Variants in MBNL2 observed in about 807,000 individuals in gnomAD.
MBNL2 encodes muscleblind like splicing regulator 2.
A neutral mutation model predicts 41.9 loss-of-function variants in MBNL2; 17 were observed. That is an observed-to-expected ratio of 0.41 (90% CI 0.28 to 0.61). MBNL2 has a LOEUF of 0.61. MBNL2 is among the 20% of genes least tolerant of loss of function. The pLI, the probability that MBNL2 is intolerant of heterozygous loss-of-function variation, is 0.35. For missense variants in MBNL2, 336 were observed against 505.6 expected, an observed-to-expected ratio of 0.66 and a Z score of 3.22; for synonymous variants, 195 against 182.9, an observed-to-expected ratio of 1.07 and a Z score of -0.53.
chr13:97,358,364 A>T (rs1019279554), intron 7 of MBNL2, among the ~76,000 whole-genome samples: 5 of 152,274 alleles, frequency 3.3e-5, no homozygotes, highest in African/African-American at 9.6e-5. Flanking sequence ...AACTAATGAG[A>T]AAAAGAACTG....
At chr13:97,287,691 TTC>T (rs67667547) in intron 2 of MBNL2, among the ~76,000 whole-genome samples, 13,326 of 150,296 alleles carry the variant, frequency 0.089, 679 homozygotes, top group South Asian at 0.14. Context: ...TTATGTTTAT[TTC>T]TTTCTATTTT....
the MBNL2 span, among the ~76,000 whole-genome samples, chr13:97,160,646 C>A: frequency 2.0e-5 from 3 of 152,038 alleles, no homozygotes; most frequent in Admixed American, 2.0e-4. Flanking sequence ...GGCTACTCAT[C>A]GCTTTGTTAG....
the MBNL2 span, among the ~76,000 whole-genome samples, chr13:97,184,305 T>C: frequency 6.6e-6 from 1 of 152,160 alleles, no homozygotes; most frequent in Admixed American, 6.5e-5. Context: ...GAGAATAATC[T>C]CTCTTTTCTT....
Position 97,392,710 on chromosome 13 carries a change from C to T in MBNL2, c.*1261C>T, listed in dbSNP as rs1486329601. 1 of 152,362 alleles carries T rather than the reference C, an allele frequency of 6.6e-6. No homozygotes were observed. The highest frequency in any genetic ancestry group is 2.4e-5 in the African/African-American group (1 of 41,382). The allele number at this position is 152,362 out of a possible 1,614,324, so 9.4% of individuals were successfully genotyped here. A position where few individuals can be genotyped will look rare whatever the true frequency, so the allele number is the denominator to read the frequency against. On this transcript the variant is annotated 3_prime_UTR_variant, in exon 9 of 9. Coordinates refer to ENST00000679496, the MANE Select transcript of MBNL2 (RefSeq NM_001382683.1). ...AGTTTGTTTTAAAGTTTATTTTAAG[C>T]ACTATCGTACCAAATATTTCATATT...
chr13:97,275,953 T>C lies in MBNL2; in HGVS notation c.-283T>C, dbSNP rs958196180. ...TCACTTTATTAATAACAGCTGTATC[T>C]GCAAAACAGTCAAGAGACTCGGACG... On this transcript the variant is annotated 5_prime_UTR_variant, in exon 2 of 9. Transcript: ENST00000679496. 1.6e-5 allele frequency: 5 copies of C among 303,278 alleles called. No homozygotes were observed. The highest frequency in any genetic ancestry group is 3.0e-5 in the Non-Finnish European group (5 of 164,140). 18.8% of individuals were successfully genotyped at this position (303,278 alleles called of 1,614,324 possible).
At chr13:97,250,450 T>G (rs1053554184) in intron 1 of MBNL2, among the ~76,000 whole-genome samples, 1 of 152,206 alleles carries the variant, frequency 6.6e-6, no homozygotes, top group Non-Finnish European at 1.5e-5. Flanking sequence ...TACTGTTCTG[T>G]TGTATAAGTT....
intron 7 of MBNL2, among the ~76,000 whole-genome samples, chr13:97,358,920 T>G (rs1266914021): frequency 1.3e-5 from 2 of 152,228 alleles, no homozygotes; most frequent in East Asian, 3.8e-4. Context: ...ATCTACACTT[T>G]GAAATGGATT....
intron 2 of MBNL2, among the ~76,000 whole-genome samples, chr13:97,289,305 G>T (rs1479327940): frequency 6.6e-6 from 1 of 152,142 alleles, no homozygotes; most frequent in African/African-American, 2.4e-5. Flanking sequence ...CATTTCAAGT[G>T]CTCCCAGCTC....
chr13:97,385,953 C>G (rs577720141), intron 8 of MBNL2, among the ~76,000 whole-genome samples: 1 of 152,238 alleles, frequency 6.6e-6, no homozygotes, highest in South Asian at 2.1e-4. Context: ...CTTTTTTGAG[C>G]GCACATCATG....
intron 2 of MBNL2, among the ~76,000 whole-genome samples, chr13:97,294,397 G>T (rs960642224): frequency 6.6e-6 from 1 of 152,204 alleles, no homozygotes; most frequent in Non-Finnish European, 1.5e-5. Context: ...TAAACCATGT[G>T]TACCGGTTAT....
chr13:97,365,779 G>A (rs925692957), intron 8 of MBNL2, among the ~76,000 whole-genome samples: 5 of 152,110 alleles, frequency 3.3e-5, no homozygotes, highest in East Asian at 1.9e-4. Context: ...TGGTACAAAC[G>A]TCTGTCTTTA....
intron 1 of MBNL2, among the ~76,000 whole-genome samples, chr13:97,270,746 A>G (rs1471425078): frequency 2.6e-5 from 4 of 152,078 alleles, no homozygotes; most frequent in Non-Finnish European, 5.9e-5. Flanking sequence ...TATTACATCT[A>G]TATGTTGGCA....
chr13:97,374,063 A>ATTTTGTTTTTT (rs2064690563), intron 8 of MBNL2, among the ~76,000 whole-genome samples: 1 of 63,128 alleles, frequency 1.6e-5, no homozygotes, highest in Non-Finnish European at 3.1e-5. Flanking sequence ...CCTCCTTTGC[A>ATTTTGTTTTTT]TTTTTTTTTT....
chr13:97,209,998 A>G, the MBNL2 span, among the ~76,000 whole-genome samples: 1 of 152,068 alleles, frequency 6.6e-6, no homozygotes, highest in Non-Finnish European at 1.5e-5. Context: ...GTTTCACCGT[A>G]TTGGCCAGGC....
At chr13:97,314,108 C>T (rs1250510694) in intron 2 of MBNL2, among the ~76,000 whole-genome samples, 1 of 152,062 alleles carries the variant, frequency 6.6e-6, no homozygotes, top group Non-Finnish European at 1.5e-5. Flanking sequence ...TCACTCTCCC[C>T]ACCTCTCCAA....
At chr13:97,170,779 T>TGG in the MBNL2 span, among the ~76,000 whole-genome samples, 2 of 152,208 alleles carry the variant, frequency 1.3e-5, no homozygotes, top group East Asian at 1.9e-4. Flanking sequence ...GAATAATGGC[T>TGG]GGCAATTGTT....
intron 6 of MBNL2, 121 bp downstream of exon 6, chr13:97,356,970 A>C (rs2063044072): frequency 2.1e-6 from 1 of 479,090 alleles, no homozygotes; most frequent in Admixed American, 3.5e-5. Flanking sequence ...GAAAAAATCC[A>C]ATAAGGTGTT....
intron 2 of MBNL2, among the ~76,000 whole-genome samples, chr13:97,286,535 G>C (rs1372759490): frequency 2.0e-5 from 3 of 152,164 alleles, no homozygotes; most frequent in Non-Finnish European, 4.4e-5. Flanking sequence ...TAAAACATAA[G>C]TCACAGCATG....
At chr13:97,181,246 A>G in the MBNL2 span, among the ~76,000 whole-genome samples, 1 of 152,206 alleles carries the variant, frequency 6.6e-6, no homozygotes, top group African/African-American at 2.4e-5. Context: ...ATGTAATCAC[A>G]TCTTAATTTA....
Sources: gnomAD v4.1 joint callset for allele counts (sites outside exome capture counted in the v4.1 genomes callset) on GRCh38, gnomAD v4.1.1 for gene constraint, MANE v1.5 for transcripts, NCBI Gene and HGNC (gene_info 2026-07-23, HGNC 2026-07-21) for gene names.